A2M: variants seen among roughly 807,000 people sequenced by gnomAD.
The protein encoded by A2M is alpha-2-macroglobulin.
In A2M, 128 loss-of-function variants were observed where a neutral mutation model predicts 183.9. That is an observed-to-expected ratio of 0.70 (90% CI 0.60 to 0.81). The LOEUF is 0.81. Among genes scored for constraint, A2M ranks in the 30% least tolerant of loss-of-function variants. A2M has a pLI of 0.00. For missense variants in A2M, 1,495 were observed against 1,787.6 expected (o/e 0.84, Z 2.95); for synonymous variants, 592 against 670.8 (o/e 0.88, Z 1.81).
At position 9,090,352 on chromosome 12, in the gene A2M, T is replaced by G. The variant is rs1465096833; in HGVS notation, c.2596+4A>C. ...AGAATTATCTCTAGCAGTTTTTTGC[T>G]CACCTAATGACTTTGGGGTTACTGC... On this transcript the variant is annotated splice_donor_region_variant and intron_variant, in intron 20 of 35. Transcript: ENST00000318602. 6.2e-7 allele frequency: 1 copy of G among 1,613,884 alleles called. No individual in the cohort carries two copies. Among genetic ancestry groups the G allele is most frequent in the Admixed American group, 1.7e-5 (1 of 59,998 alleles).
Position 9,076,762 on chromosome 12 carries a change from T to C in A2M, c.3526A>G (p.Lys1176Glu). The change falls in exon 28 of 36, where the codon AAG becomes GAG. Residue 1176 changes from lysine to glutamate, a missense_variant. Physicochemically the swap from Lys to Glu is moderately conservative, Grantham distance 56. Coordinates refer to ENST00000318602, the MANE Select transcript of A2M (RefSeq NM_000014.6). ...VLKSLNEEAV[K>E]KDNSVHWERP... ...ATCTCAGGTGTGCTCTCACCTTTCT[T>C]CACAGCTTCCTCATTAAGTGACTTG... 6.2e-7 allele frequency: 1 copy of C among 1,613,906 alleles called. No homozygotes were observed. The highest frequency in any genetic ancestry group is 8.5e-7 in the Non-Finnish European group (1 of 1,179,836).
In A2M at chr12:9,089,088, T is replaced by A. The variant is rs1592356532; in HGVS notation, c.2770+112A>T. 11 of 831,548 alleles carry A rather than the reference T, an allele frequency of 1.3e-5. No homozygotes were observed. The East Asian group carries it at 2.7e-4, about 20-fold the overall frequency. The allele number at this position is 831,548 out of a possible 1,614,324, so 51.5% of individuals were successfully genotyped here. A position where few individuals can be genotyped will look rare whatever the true frequency, so the allele number is the denominator to read the frequency against. ...TTTCCACATTTGTCAAATGCATTGA[T>A]GGTGCTTCAGGTCTTAGATCACAGA... On this transcript the variant is annotated intron_variant, in intron 22 of 35. Transcript: ENST00000318602.
At position 9,109,755 on chromosome 12, in the gene A2M, A is replaced by T. The variant is rs1054276515; in HGVS notation, c.673+112T>A. On this transcript the variant is annotated intron_variant, in intron 6 of 35. Transcript: ENST00000318602. ...CTTAGGTGTAATTAATTCTACTCCA[A>T]GCCCAATGTCACCCATGGGAAATGG... 2.7e-5 allele frequency: 29 copies of T among 1,074,762 alleles called. No individual in the cohort carries two copies. The East Asian group carries it at 6.5e-4, about 24-fold the overall frequency. 66.6% of individuals were successfully genotyped at this position (1,074,762 alleles called of 1,614,324 possible).
chr12:9,101,304 T>G, intron 12 of A2M, 97 bp from the exon 13 acceptor site: 1 of 1,381,324 alleles, frequency 7.2e-7, no homozygotes, highest in East Asian at 2.5e-5. Context: ...CTGCCGGCAA[T>G]AATTCACCTC....
chr12:9,084,789 C>T (rs186678027), intron 22 of A2M, among the ~76,000 whole-genome samples: 1 of 151,934 alleles, frequency 6.6e-6, no homozygotes, highest in African/African-American at 2.4e-5. Flanking sequence ...AAGAGACTCA[C>T]CTAATTTTTA....
chr12:9,104,496 GA>G (rs1370218810), intron 10 of A2M, 96 bp from the exon 11 acceptor site: 1 of 1,310,456 alleles, frequency 7.6e-7, no homozygotes, highest in Non-Finnish European at 1.0e-6. Context: ...CCTCTATGTT[GA>G]ACATGGTTCC....
intron 22 of A2M, among the ~76,000 whole-genome samples, chr12:9,087,069 A>G (rs1319621882): frequency 6.6e-6 from 1 of 152,186 alleles, no homozygotes; most frequent in Non-Finnish European, 1.5e-5. Context: ...AAATCTAATC[A>G]AGGAGGTGAA....
intron 16 of A2M, 65 bp downstream of exon 16, chr12:9,095,474 C>T: frequency 6.7e-7 from 1 of 1,489,386 alleles, no homozygotes; most frequent in Non-Finnish European, 9.2e-7. Flanking sequence ...CAAATACAGA[C>T]TCTTTTCCAT....
rs765550028 is a variant in A2M, at chr12:9,069,776, C to T, written c.4232G>A (p.Ser1411Asn). 1.2e-5 allele frequency: 20 copies of T among 1,612,920 alleles called. No individual in the cohort carries two copies. Among genetic ancestry groups the T allele is most frequent in the East Asian group, 4.5e-5 (2 of 44,834 alleles). ...AAGGTAAATCAAGACATGGTTGCTG[C>T]TGACTTCTGTCCGGCTCACATGGTT... ...RSNHVSRTEV[S>N]SNHVLIYLDK... is the part of the protein sequence containing the mutation. The change falls in exon 33 of 36, where the codon AGC (serine) becomes AAC (asparagine). Residue 1411 changes from serine (S) to asparagine (N), a missense_variant. Physicochemically the swap from Ser to Asn is conservative, Grantham distance 46. Coordinates refer to ENST00000318602, the MANE Select transcript of A2M (RefSeq NM_000014.6).
rs1389001308 is a variant in A2M, at chr12:9,109,357, A to T, written c.722T>A (p.Ile241Asn). Reference sequence around the variant, plus strand: ...TGATACATTCATCTCTTCTTCCAAGATGGTGATTATCTTTGGCACTGTTAC... The same window carrying T: ...TGATACATTCATCTCTTCTTCCAAGTTGGTGATTATCTTTGGCACTGTTAC... Reference protein sequence around the residue: ...VQVTVPKIITILEEEMNVSVC... With the variant: ...VQVTVPKIITNLEEEMNVSVC... Residue 241 changes from isoleucine (I) to asparagine (N), a missense_variant, in exon 7 of 36, where the codon ATC becomes AAC. Coordinates refer to ENST00000318602, the MANE Select transcript of A2M (RefSeq NM_000014.6). 32 of 1,613,510 alleles carry T rather than the reference A, an allele frequency of 2.0e-5. No homozygotes were observed. The highest frequency in any genetic ancestry group is 2.7e-5 in the Non-Finnish European group (32 of 1,179,584).
intron 17 of A2M, among the ~76,000 whole-genome samples, chr12:9,093,918 A>AACAG (rs1949290824): frequency 6.6e-6 from 1 of 151,498 alleles, no homozygotes; most frequent in Admixed American, 6.6e-5. Context: ...CAAACAAACA[A>AACAG]CAAAAAAAAA....
At chr12:9,080,698 G>C (rs1278183363) in intron 22 of A2M, among the ~76,000 whole-genome samples, 4 of 152,114 alleles carry the variant, frequency 2.6e-5, no homozygotes, top group African/African-American at 9.7e-5. Flanking sequence ...TTGAGGGTAA[G>C]GAAGTGAAGA....
intron 22 of A2M, among the ~76,000 whole-genome samples, chr12:9,085,831 G>C (rs1949037455): frequency 1.3e-5 from 2 of 151,916 alleles, no homozygotes; most frequent in Non-Finnish European, 2.9e-5. Flanking sequence ...TGATACCACA[G>C]AAATACAAAG....
Position 9,099,542 on chromosome 12 carries a change from G to A in A2M, c.1559-19C>T. ...CCCTTCACTGGGGCACAAAGAGAAT[G>A]AGAGGAAGCCATCATAGGTTAATGA... On this transcript the variant is annotated intron_variant, in intron 13 of 35. Coordinates refer to ENST00000318602, the MANE Select transcript of A2M (RefSeq NM_000014.6). 6.2e-7 allele frequency: 1 copy of A among 1,600,750 alleles called. No individual in the cohort carries two copies. The highest frequency in any genetic ancestry group is 8.5e-7 in the Non-Finnish European group (1 of 1,173,324).
chr12:9,074,784 C>G lies in A2M; in HGVS notation c.3533-1G>C. 1 of 1,607,456 alleles carries G rather than the reference C, an allele frequency of 6.2e-7. No homozygotes were observed. Among genetic ancestry groups the G allele is most frequent in the Non-Finnish European group, 8.5e-7 (1 of 1,176,928 alleles). ...GGGCGCTCCCAATGGACAGAGTTGT[C>G]TTAAAGATGAGAAAAAGATATTTAT... On this transcript the variant is annotated splice_acceptor_variant, in intron 28 of 35. Coordinates refer to ENST00000318602, the MANE Select transcript of A2M (RefSeq NM_000014.6). LOFTEE classifies it high-confidence loss of function.
chr12:9,113,231 T>TA (rs1938880109), intron 2 of A2M, 129 bp downstream of exon 2: 1 of 893,900 alleles, frequency 1.1e-6, no homozygotes, highest in Non-Finnish European at 1.7e-6. Flanking sequence ...TTTCTATACT[T>TA]AGTTTGCTAC....
chr12:9,068,918 G>T, intron 33 of A2M, 76 bp from the exon 34 acceptor site: 1 of 1,035,598 alleles, frequency 9.7e-7, no homozygotes, highest in Non-Finnish European at 1.4e-6. Context: ...GTATTCACCT[G>T]TTTTTTGGGG....
In A2M at chr12:9,089,376, T is replaced by G. The variant is rs1296970630; in HGVS notation, c.2719-125A>C. ...TTTGAACTGTATTATCTAAGAAAAT[T>G]CTGTACATATAAGCAATATACGTAG... On this transcript the variant is annotated intron_variant, in intron 21 of 35. Transcript: ENST00000318602. The G allele has an allele frequency of 4.1e-6, 3 of 729,528 alleles. No individual in the cohort carries two copies. In the African/African-American group the frequency reaches 5.3e-5, roughly 13 times the overall value. The allele number at this position is 729,528 out of a possible 1,614,324, so 45.2% of individuals were successfully genotyped here.
chr12:9,074,488 GTGTT>G (rs1948676964), intron 29 of A2M, 68 bp downstream of exon 29: 2 of 1,389,892 alleles, frequency 1.4e-6, no homozygotes, highest in Admixed American at 2.1e-5. Context: ...CTTCTTGGAT[GTGTT>G]TGTTTCTTTT....
Sources: allele counts gnomAD v4.1 joint callset (sites outside exome capture counted in the v4.1 genomes callset), GRCh38; gene constraint gnomAD v4.1.1; transcripts MANE v1.5; gene names NCBI Gene and HGNC (gene_info 2026-07-23, HGNC 2026-07-21).